The following FOXO1 variants were observed in gnomAD, a reference collection of about 807,000 sequenced individuals.
FOXO1 encodes the protein forkhead box O1.
In FOXO1, 6 loss-of-function variants were observed where a neutral mutation model predicts 44.1. The ratio of observed to expected loss-of-function variants is 0.14; its 90% confidence interval spans 0.07 to 0.27. The LOEUF (loss-of-function observed/expected upper bound fraction) is 0.27. Ranked by LOEUF, FOXO1 falls within the 10% of genes least tolerant of loss-of-function variation. The pLI is 1.00. For synonymous variants in FOXO1, 380 were observed against 362.7 expected, an observed-to-expected ratio of 1.05 and a Z score of -0.54; for missense variants, 737 against 888.8, an observed-to-expected ratio of 0.83 and a Z score of 2.17.
intron 1 of FOXO1, among the ~76,000 whole-genome samples, chr13:40,585,078 A>G (rs1362837741): frequency 1.3e-5 from 2 of 152,208 alleles, no homozygotes; most frequent in African/African-American, 4.8e-5. Flanking sequence ...ACACTATGTT[A>G]GTGGTACTTT....
At chr13:40,639,101 G>A (rs1434470164) in intron 1 of FOXO1, among the ~76,000 whole-genome samples, 1 of 152,152 alleles carries the variant, frequency 6.6e-6, no homozygotes, top group Non-Finnish European at 1.5e-5. Context: ...GGCTGAGGCA[G>A]GAGAATCGCT....
chr13:40,640,853 G>A (rs900207080), intron 1 of FOXO1, among the ~76,000 whole-genome samples: 2 of 151,886 alleles, frequency 1.3e-5, no homozygotes, highest in Admixed American at 6.6e-5. Flanking sequence ...GCACAATCTC[G>A]GCTTACTGCA....
intron 1 of FOXO1, among the ~76,000 whole-genome samples, chr13:40,622,510 A>T (rs918590960): frequency 2.0e-5 from 3 of 152,242 alleles, no homozygotes; most frequent in African/African-American, 7.2e-5. Context: ...ATTCTGAGAC[A>T]TCAACTTTGA....
chr13:40,642,876 T>G (rs1238140651), intron 1 of FOXO1, among the ~76,000 whole-genome samples: 1 of 152,122 alleles, frequency 6.6e-6, no homozygotes, highest in African/African-American at 2.4e-5. Flanking sequence ...CCACTACACT[T>G]CAACCTGGAT....
intron 1 of FOXO1, among the ~76,000 whole-genome samples, chr13:40,578,180 T>A (rs1213616199): frequency 6.6e-6 from 1 of 152,168 alleles, no homozygotes; most frequent in Non-Finnish European, 1.5e-5. Context: ...TCAGGGAATG[T>A]GCCTTGTCAA....
intron 1 of FOXO1, among the ~76,000 whole-genome samples, chr13:40,604,286 G>C (rs573844183): frequency 2.0e-4 from 30 of 151,574 alleles, no homozygotes; most frequent in African/African-American, 7.3e-4. Context: ...AATCTAGATA[G>C]TGATACTGTA....
intron 1 of FOXO1, among the ~76,000 whole-genome samples, chr13:40,658,991 G>A (rs903269131): frequency 6.6e-6 from 1 of 151,820 alleles, no homozygotes. Context: ...CAGCCTGGAT[G>A]ACTGAGCAAG....
intron 1 of FOXO1, among the ~76,000 whole-genome samples, chr13:40,656,272 T>C (rs897264749): frequency 2.6e-5 from 4 of 152,242 alleles, no homozygotes; most frequent in Non-Finnish European, 4.4e-5. Flanking sequence ...GCTAAGGCAA[T>C]ATTAGAACTG....
chr13:40,620,237 G>A lies in FOXO1; in HGVS notation c.630+45346C>T, dbSNP rs190147981. 2.6e-4 allele frequency: 408 copies of A among 1,541,430 alleles called. 2 individuals are homozygous for A. The East Asian group carries it at 5.3e-3, about 20-fold the overall frequency. On this transcript the variant is annotated intron_variant, in intron 1 of 2. Coordinates refer to ENST00000379561, the MANE Select transcript of FOXO1 (RefSeq NM_002015.4). ...ACAATCACACTGGACCTTCAAGTGAGAAGGATCCATCCCGGAGAAAATAGA... is the reference window on the plus strand; with the variant it reads ...ACAATCACACTGGACCTTCAAGTGAAAAGGATCCATCCCGGAGAAAATAGA...
chr13:40,649,981 C>T (rs955588438), intron 1 of FOXO1, among the ~76,000 whole-genome samples: 3 of 152,128 alleles, frequency 2.0e-5, no homozygotes, highest in Non-Finnish European at 4.4e-5. Flanking sequence ...GAATTCTGGA[C>T]GAGTCCCTAG....
chr13:40,638,854 A>G (rs1877250100), intron 1 of FOXO1, among the ~76,000 whole-genome samples: 1 of 152,140 alleles, frequency 6.6e-6, no homozygotes, highest in African/African-American at 2.4e-5. Flanking sequence ...AAGTTCTGAA[A>G]TGGAAGGAAG....
At chr13:40,565,116 T>C (rs1006155211) in intron 1 of FOXO1, among the ~76,000 whole-genome samples, 1 of 152,182 alleles carries the variant, frequency 6.6e-6, no homozygotes, top group Non-Finnish European at 1.5e-5. Flanking sequence ...TGTTTGTTGC[T>C]TGACCCCCAA....
At chr13:40,620,180 G>T in intron 1 of FOXO1, 2 of 1,561,744 alleles carry the variant, frequency 1.3e-6, no homozygotes, top group Non-Finnish European at 1.8e-6. Context: ...GAAGAATCCA[G>T]CAGATCCTCA....
intron 1 of FOXO1, among the ~76,000 whole-genome samples, chr13:40,579,677 C>G (rs573585815): frequency 6.6e-6 from 1 of 152,178 alleles, no homozygotes; most frequent in Non-Finnish European, 1.5e-5. Context: ...ACACTCTAGC[C>G]TTGGCTGTGA....
chr13:40,558,951 T>C lies in FOXO1; in HGVS notation c.*98A>G, dbSNP rs933257722. On this transcript the variant is annotated 3_prime_UTR_variant, in exon 3 of 3. Transcript: ENST00000379561. Reference sequence around the variant, plus strand: ...TGTTTTTTTTTTTAACCAAGAAAACTAAAAGGGAGTTGGTGAAAGACATCT... The same window carrying C: ...TGTTTTTTTTTTTAACCAAGAAAACCAAAAGGGAGTTGGTGAAAGACATCT... The C allele has an allele frequency of 2.5e-6, 1 of 393,480 alleles. No homozygotes were observed. The highest frequency in any genetic ancestry group is 4.5e-6 in the Non-Finnish European group (1 of 224,632). The allele number at this position is 393,480 out of a possible 1,614,324, so 24.4% of individuals were successfully genotyped here.
chr13:40,665,498 C>G, intron 1 of FOXO1, 85 bp downstream of exon 1: 1 of 1,182,606 alleles, frequency 8.5e-7, no homozygotes. Context: ...TGCTCCGCAC[C>G]TTCAGGCCGA....
chr13:40,664,206 G>A (rs1417974022), intron 1 of FOXO1, among the ~76,000 whole-genome samples: 1 of 152,220 alleles, frequency 6.6e-6, no homozygotes, highest in Non-Finnish European at 1.5e-5. Context: ...CAGAGAGTCG[G>A]AGGTTGCAGT....
At chr13:40,631,108 T>C (rs1405893085) in intron 1 of FOXO1, among the ~76,000 whole-genome samples, 1 of 152,200 alleles carries the variant, frequency 6.6e-6, no homozygotes, top group Non-Finnish European at 1.5e-5. Flanking sequence ...TCCAGAGTTC[T>C]CAATCATTCA....
At chr13:40,561,938 G>A (rs1168926607) in intron 1 of FOXO1, among the ~76,000 whole-genome samples, 1 of 124,924 alleles carries the variant, frequency 8.0e-6, no homozygotes, top group Admixed American at 8.8e-5. Context: ...TAAACACTCT[G>A]TCGCCAAAAA....
Sources: gnomAD v4.1 joint callset for allele counts (sites outside exome capture counted in the v4.1 genomes callset) on GRCh38, gnomAD v4.1.1 for gene constraint, MANE v1.5 for transcripts, NCBI Gene and HGNC (gene_info 2026-07-23, HGNC 2026-07-21) for gene names.